Variants in ZMYND8 observed in about 807,000 individuals in gnomAD.
The protein encoded by ZMYND8 is MYND-type zinc finger-containing chromatin reader ZMYND8.
A neutral mutation model predicts 140.8 loss-of-function variants in ZMYND8; 37 were observed. The ratio of observed to expected loss-of-function variants is 0.26; its 90% CI spans 0.20 to 0.35. ZMYND8 has a LOEUF of 0.35. Among genes scored for constraint, ZMYND8 ranks in the 10% least tolerant of loss-of-function variants. The probability of loss-of-function intolerance (pLI) is 1.00; values close to 1 mark genes in which losing one functional copy is unlikely to be tolerated. For synonymous variants in ZMYND8, 592 were observed against 597.1 expected, an observed-to-expected ratio of 0.99 and a Z score of 0.12; for missense variants, 1,068 against 1,570.0, an observed-to-expected ratio of 0.68 and a Z score of 5.40.
intron 1 of ZMYND8, chr20:47,349,863 G>C (rs2082629143): frequency 6.5e-7 from 1 of 1,535,464 alleles, no homozygotes; most frequent in South Asian, 1.2e-5. Context: ...AAACCCACTT[G>C]AAGGATTTCT....
intron 2 of ZMYND8, among the ~76,000 whole-genome samples, chr20:47,333,722 CTCAAAAAAAAA>C (rs2148470741): frequency 3.0e-5 from 2 of 65,970 alleles, no homozygotes; most frequent in East Asian, 5.0e-4. Context: ...GAGACTCCGT[CTCAAAAAAAAA>C]AAAAAAAAAA....
chr20:47,249,241 A>G (rs2073973836), intron 13 of ZMYND8, 46 bp downstream of exon 13: 3 of 1,594,624 alleles, frequency 1.9e-6, no homozygotes, highest in Non-Finnish European at 1.7e-6. Flanking sequence ...ACCAGTAATG[A>G]TAACAATGAT....
At chr20:47,227,565 G>A (rs190563122) in intron 17 of ZMYND8, among the ~76,000 whole-genome samples, 2 of 152,302 alleles carry the variant, frequency 1.3e-5, no homozygotes, top group East Asian at 3.9e-4. Flanking sequence ...TATATTAAGG[G>A]TTATTTAGGA....
chr20:47,240,713 C>T (rs1054546589), intron 14 of ZMYND8, among the ~76,000 whole-genome samples: 7 of 151,110 alleles, frequency 4.6e-5, no homozygotes, highest in Non-Finnish European at 8.8e-5. Flanking sequence ...TGCCACCGCA[C>T]CCAGCTAATT....
In ZMYND8 at chr20:47,243,551, C is replaced by T. The variant is rs148544507; in HGVS notation, c.2284+2457G>A. Among the ~76,000 whole-genome samples the T allele has an allele frequency of 1.6e-4, 25 of 152,320 alleles. No homozygotes were observed. The East Asian group carries it at 4.4e-3, about 27-fold the overall frequency. Reference sequence around the variant, plus strand: ...CTTCTAAGGTACTGTGTTTCCCATTCTGCTTTCAGAGCCAACTTCCCTAAC... The same window carrying T: ...CTTCTAAGGTACTGTGTTTCCCATTTTGCTTTCAGAGCCAACTTCCCTAAC... On this transcript the variant is annotated intron_variant, in intron 14 of 22. Coordinates refer to ENST00000471951, the MANE Select transcript of ZMYND8 (RefSeq NM_001281775.3).
chr20:47,344,935 C>A (rs1212204729), intron 2 of ZMYND8, among the ~76,000 whole-genome samples: 6 of 152,010 alleles, frequency 3.9e-5, no homozygotes, highest in Admixed American at 6.6e-5. Flanking sequence ...CAACCCACTG[C>A]GACCTCATCC....
At chr20:47,221,707 G>A (rs1351492884) in intron 19 of ZMYND8, among the ~76,000 whole-genome samples, 1 of 152,146 alleles carries the variant, frequency 6.6e-6, no homozygotes, top group Non-Finnish European at 1.5e-5. Context: ...CGCTCTGTCA[G>A]CCAGGCTGGA....
At chr20:47,250,804 C>T (rs935941977) in intron 12 of ZMYND8, among the ~76,000 whole-genome samples, 12 of 152,216 alleles carry the variant, frequency 7.9e-5, no homozygotes, top group Non-Finnish European at 1.8e-4. Context: ...AATCCACTCA[C>T]AGGTGACCAG....
chr20:47,290,044 C>T, intron 7 of ZMYND8, 143 bp downstream of exon 7: 1 of 695,276 alleles, frequency 1.4e-6, no homozygotes. Flanking sequence ...AACTTGGTCA[C>T]TGCCTCCTAT....
intron 3 of ZMYND8, among the ~76,000 whole-genome samples, chr20:47,299,570 T>C (rs1391457764): frequency 6.6e-6 from 1 of 152,144 alleles, no homozygotes; most frequent in Admixed American, 6.6e-5. Context: ...TTACCTAATT[T>C]TTTTTTTCTT....
chr20:47,276,557 T>C lies in ZMYND8; in HGVS notation c.1237A>G (p.Lys413Glu). ...NPSAGTAKID[K>E]QEKVKLNFDM... ...AAGTTGAGCTTGACCTTCTCCTGCT[T>C]GTCTATCTTGGCAGTGCCGGCGCTG... The change falls in exon 11 of 23, where the codon AAG (lysine) becomes GAG (glutamate). Residue 413 changes from lysine to glutamate, a missense_variant. Transcript: ENST00000471951. 1 of 1,613,920 alleles carries C rather than the reference T, an allele frequency of 6.2e-7. No individual in the cohort carries two copies. Among genetic ancestry groups the C allele is most frequent in the Non-Finnish European group, 8.5e-7 (1 of 1,180,014 alleles).
intron 2 of ZMYND8, among the ~76,000 whole-genome samples, chr20:47,331,957 A>G (rs564138924): frequency 6.6e-6 from 1 of 152,336 alleles, no homozygotes; most frequent in Non-Finnish European, 1.5e-5. Flanking sequence ...TAATCCCAGC[A>G]CTTTGGAAGG....
chr20:47,329,409 AT>A (rs534953261), intron 2 of ZMYND8, among the ~76,000 whole-genome samples: 19 of 148,110 alleles, frequency 1.3e-4, no homozygotes, highest in African/African-American at 2.2e-4. Flanking sequence ...TGTAAATCTA[AT>A]TTTTTTTTTT....
intron 18 of ZMYND8, among the ~76,000 whole-genome samples, chr20:47,226,151 TAAAA>T (rs3092455): frequency 7.6e-6 from 1 of 132,212 alleles, no homozygotes; most frequent in Non-Finnish European, 1.6e-5. Flanking sequence ...GACTCTGTCT[TAAAA>T]AAAAAAAAAA....
chr20:47,220,216 T>C (rs1462944161), intron 21 of ZMYND8, 42 bp downstream of exon 21: 1 of 1,514,494 alleles, frequency 6.6e-7, no homozygotes. Context: ...TCTGCCCATC[T>C]GAAATGTGAA....
intron 11 of ZMYND8, among the ~76,000 whole-genome samples, chr20:47,269,739 GA>G (rs1398028843): frequency 2.6e-5 from 4 of 152,208 alleles, no homozygotes; most frequent in Admixed American, 1.3e-4. Flanking sequence ...GGGTGGGGTG[GA>G]AAGGCAGAGT....
At chr20:47,241,624 C>T (rs1441875504) in intron 14 of ZMYND8, among the ~76,000 whole-genome samples, 2 of 151,940 alleles carry the variant, frequency 1.3e-5, no homozygotes, top group African/African-American at 4.8e-5. Context: ...GATGACCACA[C>T]GGGAGCTCAT....
chr20:47,268,308 T>A, intron 11 of ZMYND8, among the ~76,000 whole-genome samples: 1 of 143,506 alleles, frequency 7.0e-6, no homozygotes, highest in Admixed American at 6.9e-5. Flanking sequence ...TTTTTTTTTT[T>A]TTCAGAAGGG....
chr20:47,222,545 A>G (rs1163876782), intron 19 of ZMYND8, among the ~76,000 whole-genome samples: 2 of 152,250 alleles, frequency 1.3e-5, no homozygotes, highest in African/African-American at 4.8e-5. Flanking sequence ...CAACGAAAAA[A>G]AAAAGGAAAA....
Sources: allele counts gnomAD v4.1 joint callset (sites outside exome capture counted in the v4.1 genomes callset), GRCh38; gene constraint gnomAD v4.1.1; transcripts MANE v1.5; gene names NCBI Gene and HGNC (gene_info 2026-07-23, HGNC 2026-07-21).